Variants in MBNL2 observed in about 807,000 individuals in gnomAD.
MBNL2 encodes muscleblind like splicing regulator 2.
MBNL2 carries 17 observed loss-of-function variants against 41.9 expected under a neutral mutation model. The observed-to-expected ratio is 0.41, with a 90% CI of 0.28 to 0.61. The LOEUF (loss-of-function observed/expected upper bound fraction) is 0.61. Ranked by LOEUF, MBNL2 falls within the 20% of genes least tolerant of loss-of-function variation. The pLI is 0.35. For synonymous variants in MBNL2, 195 were observed against 182.9 expected (o/e 1.07, Z -0.53); for missense variants, 336 against 505.6 (o/e 0.66, Z 3.22).
chr13:97,364,292 C>T (rs2063672804), intron 7 of MBNL2, among the ~76,000 whole-genome samples: 1 of 152,172 alleles, frequency 6.6e-6, no homozygotes, highest in South Asian at 2.1e-4. Flanking sequence ...CAGAAATCCC[C>T]CTCAGGGATC....
rs182258196 is a variant in MBNL2, at chr13:97,241,581, T to C, written c.-605+19050T>C. The stretch of plus-strand genomic sequence containing the variant: ...CTTTCATTCAGAGCACTGATTAAAA[T>C]CCAACTGTGTGCCTAGTATCCTGAT... On this transcript the variant is annotated intron_variant, in intron 1 of 8. Transcript: ENST00000679496. Among the ~76,000 whole-genome samples, 6 of 152,346 alleles carry C rather than the reference T, an allele frequency of 3.9e-5. No individual in the cohort carries two copies. The East Asian group carries it at 1.2e-3, about 29-fold the overall frequency.
rs777956100 is a variant in MBNL2 at position 97,365,214 on chromosome 13, A to G, written c.1048+43A>G. 8 of 1,232,894 alleles carry G rather than the reference A, an allele frequency of 6.5e-6. No individual in the cohort carries two copies. In the Admixed American group the frequency reaches 6.7e-5, roughly 10 times the overall value. The allele number at this position is 1,232,894 out of a possible 1,614,324, so 76.4% of individuals were successfully genotyped here. On this transcript the variant is annotated intron_variant, in intron 8 of 8. Transcript: ENST00000679496. ...TTATTTGTCTTTTATATGATGTACA[A>G]TACCTTCACTTGCTTGAAATTTATT...
chr13:97,164,760 C>T, the MBNL2 span, among the ~76,000 whole-genome samples: 8 of 152,158 alleles, frequency 5.3e-5, no homozygotes, highest in Non-Finnish European at 1.2e-4. Flanking sequence ...GGAAAAATGT[C>T]TCTTAATTCT....
intron 2 of MBNL2, among the ~76,000 whole-genome samples, chr13:97,297,042 ATG>A (rs1426546649): frequency 6.6e-6 from 1 of 152,198 alleles, no homozygotes; most frequent in Non-Finnish European, 1.5e-5. Flanking sequence ...CTTTTTGTCC[ATG>A]TGGTACCATT....
intron 1 of MBNL2, among the ~76,000 whole-genome samples, chr13:97,239,487 T>A (rs2152806359): frequency 6.6e-6 from 1 of 152,348 alleles, no homozygotes; most frequent in South Asian, 2.1e-4. Context: ...TAGTCCATCA[T>A]CTATACAAAT....
intron 2 of MBNL2, among the ~76,000 whole-genome samples, chr13:97,302,986 A>ATGAC (rs1336352772): frequency 2.6e-5 from 4 of 152,188 alleles, no homozygotes; most frequent in Admixed American, 2.6e-4. Flanking sequence ...GAGATGTGAA[A>ATGAC]TGACTCTACA....
rs181998114 is a variant in MBNL2 at position 97,224,410 on chromosome 13, G to A, written c.-605+1879G>A. 1.7e-3 allele frequency among the ~76,000 whole-genome samples: 258 copies of A among 152,274 alleles called. 1 individual carries two copies. The highest frequency in any genetic ancestry group is 3.0e-3 in the Non-Finnish European group (205 of 68,034). ...GGCAACCTTGGTCACAGAGATCGGGGGAAGGGTAATGTTTACAAAGGAACC... is the reference window on the plus strand; with the variant it reads ...GGCAACCTTGGTCACAGAGATCGGGAGAAGGGTAATGTTTACAAAGGAACC... On this transcript the variant is annotated intron_variant, in intron 1 of 8. Transcript: ENST00000679496.
the MBNL2 span, among the ~76,000 whole-genome samples, chr13:97,191,374 G>A: frequency 6.7e-6 from 1 of 149,684 alleles, no homozygotes; most frequent in Admixed American, 6.7e-5. Flanking sequence ...CTCTGGCCTT[G>A]AGGAGTCCCT....
chr13:97,275,977 CGTTGA>C lies in MBNL2; in HGVS notation c.-258_-254del, dbSNP rs2052073762. 1.4e-5 allele frequency: 5 copies of C among 362,680 alleles called. No individual in the cohort carries two copies. Among genetic ancestry groups the C allele is most frequent in the Admixed American group, 4.3e-5 (1 of 23,070 alleles). The allele number at this position is 362,680 out of a possible 1,614,324, so 22.5% of individuals were successfully genotyped here. On this transcript the variant is annotated 5_prime_UTR_variant, in exon 2 of 9. Coordinates refer to ENST00000679496, the MANE Select transcript of MBNL2 (RefSeq NM_001382683.1). Reference sequence around the variant, plus strand: ...CTGCAAAACAGTCAAGAGACTCGGACGTTGAAAGCCAGAGATGACACTGAGCATGC... The same window carrying C: ...CTGCAAAACAGTCAAGAGACTCGGACAAGCCAGAGATGACACTGAGCATGC...
chr13:97,167,331 C>T, the MBNL2 span, among the ~76,000 whole-genome samples: 8 of 151,574 alleles, frequency 5.3e-5, no homozygotes, highest in Non-Finnish European at 7.4e-5. Flanking sequence ...CATTTACATG[C>T]TCCACAATGT....
intron 2 of MBNL2, among the ~76,000 whole-genome samples, chr13:97,300,810 G>T (rs1391659683): frequency 2.0e-5 from 3 of 152,150 alleles, no homozygotes; most frequent in Non-Finnish European, 2.9e-5. Context: ...AATCTGGTAG[G>T]AATTATACCT....
the MBNL2 span, among the ~76,000 whole-genome samples, chr13:97,203,907 TGGA>T: frequency 6.6e-6 from 1 of 151,124 alleles, no homozygotes; most frequent in Non-Finnish European, 1.5e-5. Flanking sequence ...GATGGATGGA[TGGA>T]TGGATGGACG....
chr13:97,356,364 A>T (rs2062983487), intron 5 of MBNL2, among the ~76,000 whole-genome samples: 1 of 152,142 alleles, frequency 6.6e-6, no homozygotes, highest in Non-Finnish European at 1.5e-5. Flanking sequence ...TCATTATTTC[A>T]TATTTGAAAA....
rs184169463 is a variant in MBNL2, at chr13:97,354,228, G to A, written c.805-2568G>A. On this transcript the variant is annotated intron_variant, in intron 5 of 8. Coordinates refer to ENST00000679496, the MANE Select transcript of MBNL2 (RefSeq NM_001382683.1). ...TCTTGGTGCTTAAGGAGGATCTTAG[G>A]ATACACTAGGCTTGGTGACCTGTGA... 8.1e-4 allele frequency among the ~76,000 whole-genome samples: 123 copies of A among 152,232 alleles called. 1 individual carries two copies. The highest frequency in any genetic ancestry group is 3.0e-3 in the Admixed American group (46 of 15,284).
chr13:97,303,672 C>G lies in MBNL2; in HGVS notation c.174+27263C>G, dbSNP rs565495084. On this transcript the variant is annotated intron_variant, in intron 2 of 8. Transcript: ENST00000679496. ...GCCTTCCTGCTCCGGTGGCAGAATGCCCCATTTTCTCAGGGGCTCCGTCTG... is the reference window on the plus strand; with the variant it reads ...GCCTTCCTGCTCCGGTGGCAGAATGGCCCATTTTCTCAGGGGCTCCGTCTG... 2.6e-5 allele frequency among the ~76,000 whole-genome samples: 4 copies of G among 152,340 alleles called. No homozygotes were observed. In the East Asian group the frequency reaches 5.8e-4, roughly 22 times the overall value.
upstream of MBNL2, among the ~76,000 whole-genome samples, chr13:97,219,605 TG>T (rs1325527981): frequency 6.6e-6 from 1 of 152,178 alleles, no homozygotes; most frequent in Admixed American, 6.5e-5. Flanking sequence ...GGCCTCTTTC[TG>T]GTGTCTCAGA....
intron 2 of MBNL2, among the ~76,000 whole-genome samples, chr13:97,319,002 A>C (rs1186710242): frequency 6.6e-6 from 1 of 152,188 alleles, no homozygotes; most frequent in African/African-American, 2.4e-5. Context: ...CACAGTGAAG[A>C]AAAACCCTGG....
At chr13:97,205,336 G>A in the MBNL2 span, among the ~76,000 whole-genome samples, 1 of 151,228 alleles carries the variant, frequency 6.6e-6, no homozygotes, top group Non-Finnish European at 1.5e-5. Context: ...GGTACAATGA[G>A]CTGAGATTGC....
At chr13:97,197,237 T>C in the MBNL2 span, among the ~76,000 whole-genome samples, 1 of 152,204 alleles carries the variant, frequency 6.6e-6, no homozygotes, top group Non-Finnish European at 1.5e-5. Flanking sequence ...TATTAAAAAA[T>C]TATTGTCCTT....
Sources: allele counts gnomAD v4.1 joint callset (sites outside exome capture counted in the v4.1 genomes callset), GRCh38; gene constraint gnomAD v4.1.1; transcripts MANE v1.5; gene names NCBI Gene and HGNC (gene_info 2026-07-23, HGNC 2026-07-21).